Variants in MMP16 observed in about 807,000 individuals in gnomAD.
MMP16 encodes matrix metallopeptidase 16.
Under a neutral mutation model 67.8 loss-of-function variants are expected in MMP16, and 12 were observed. The ratio of observed to expected loss-of-function variants is 0.18; its 90% CI spans 0.11 to 0.29. MMP16 has a LOEUF of 0.29. Among genes scored for constraint, MMP16 ranks in the 10% least tolerant of loss-of-function variants. The pLI is 1.00. For missense variants in MMP16, 475 were observed against 765.7 expected, an observed-to-expected ratio of 0.62 and a Z score of 4.48; for synonymous variants, 249 against 255.9, an observed-to-expected ratio of 0.97 and a Z score of 0.26.
intron 6 of MMP16, among the ~76,000 whole-genome samples, chr8:88,109,699 A>T (rs1036825765): frequency 2.0e-5 from 3 of 151,270 alleles, no homozygotes; most frequent in African/African-American, 7.3e-5. Context: ...AACTTTGCTT[A>T]TTTATCTTGA....
intron 4 of MMP16, among the ~76,000 whole-genome samples, chr8:88,153,162 T>C (rs1410675010): frequency 2.0e-5 from 3 of 148,022 alleles, no homozygotes; most frequent in Non-Finnish European, 4.5e-5. Flanking sequence ...TTACAAGGGA[T>C]GTGAAGGACC....
intron 4 of MMP16, among the ~76,000 whole-genome samples, chr8:88,130,759 C>CGT (rs112295025): frequency 0.021 from 3,105 of 146,720 alleles, 41 homozygotes; most frequent in Middle Eastern, 0.048. Flanking sequence ...TTGTGAAATA[C>CGT]GTGTGTGTGT....
At chr8:88,195,884 T>C (rs4406449) in intron 2 of MMP16, among the ~76,000 whole-genome samples, 20,587 of 152,220 alleles carry the variant, frequency 0.14, 1,667 homozygotes, top group Non-Finnish European at 0.17. Flanking sequence ...TTATTATTTA[T>C]AAAGGTTTTC....
intron 4 of MMP16, among the ~76,000 whole-genome samples, chr8:88,126,903 G>A (rs10504849): frequency 6.6e-6 from 1 of 151,416 alleles, no homozygotes; most frequent in Non-Finnish European, 1.5e-5. Context: ...ATAGTTTACT[G>A]CAAAGAGTGG....
At chr8:88,170,681 G>A (rs914537400) in intron 3 of MMP16, among the ~76,000 whole-genome samples, 1 of 152,106 alleles carries the variant, frequency 6.6e-6, no homozygotes, top group Admixed American at 6.6e-5. Context: ...ATGGTGAGGG[G>A]GTGAGGAGAT....
intron 1 of MMP16, among the ~76,000 whole-genome samples, chr8:88,303,100 G>A (rs1463552357): frequency 2.0e-5 from 3 of 152,192 alleles, no homozygotes; most frequent in Non-Finnish European, 4.4e-5. Flanking sequence ...CAGCTGCTCA[G>A]GCACACACAG....
chr8:88,221,791 A>C (rs1229705615), intron 1 of MMP16, among the ~76,000 whole-genome samples: 2 of 152,086 alleles, frequency 1.3e-5, no homozygotes, highest in African/African-American at 4.8e-5. Context: ...TCCAGAAAGA[A>C]AGTGAAGAAA....
chr8:88,088,812 G>A (rs1487137061), intron 6 of MMP16, among the ~76,000 whole-genome samples: 1 of 152,030 alleles, frequency 6.6e-6, no homozygotes, highest in African/African-American at 2.4e-5. Context: ...AGTCTTGAGG[G>A]AAGTCAGATG....
intron 6 of MMP16, among the ~76,000 whole-genome samples, chr8:88,083,497 G>T (rs1808786617): frequency 6.6e-6 from 1 of 152,052 alleles, no homozygotes; most frequent in Admixed American, 6.6e-5. Flanking sequence ...GGATTAAAGT[G>T]GGAATCAAAA....
chr8:88,219,613 C>T (rs1809646371), intron 1 of MMP16, among the ~76,000 whole-genome samples: 1 of 152,072 alleles, frequency 6.6e-6, no homozygotes, highest in African/African-American at 2.4e-5. Flanking sequence ...AGCTATGAGA[C>T]CAACAGCCAT....
chr8:88,174,757 CTT>C (rs61133999), intron 3 of MMP16, among the ~76,000 whole-genome samples: 18 of 139,676 alleles, frequency 1.3e-4, no homozygotes, highest in Non-Finnish European at 1.4e-4. Context: ...ATTTTGACTG[CTT>C]TTTTTTTTTT....
At chr8:88,137,827 A>G (rs553336946) in intron 4 of MMP16, among the ~76,000 whole-genome samples, 8 of 151,464 alleles carry the variant, frequency 5.3e-5, no homozygotes, top group Non-Finnish European at 1.0e-4. Flanking sequence ...GATATTTTCT[A>G]TTTTCTTGAT....
In MMP16 at chr8:88,097,625, C is replaced by CAAAAA. The variant is rs34488162; in HGVS notation, c.1083+18877_1083+18881dup. Among the ~76,000 whole-genome samples the CAAAAA allele has an allele frequency of 1.5e-3, 101 of 67,260 alleles. 1 individual carries two copies. The highest frequency in any genetic ancestry group is 4.8e-3 in the African/African-American group (80 of 16,576). 44.1% of individuals were successfully genotyped at this position (67,260 alleles called of 152,430 possible). ...TGAGAGCCAGAGCAAAACCCTGTCT[C>CAAAAA]AAAAAAAAAAAAAAAAAAAAAAGAA... On this transcript the variant is annotated intron_variant, in intron 6 of 9. Coordinates refer to ENST00000286614, the MANE Select transcript of MMP16 (RefSeq NM_005941.5).
At chr8:88,073,627 T>G (rs1808598778) in intron 7 of MMP16, among the ~76,000 whole-genome samples, 1 of 152,170 alleles carries the variant, frequency 6.6e-6, no homozygotes, top group Non-Finnish European at 1.5e-5. Context: ...TTTCATTTGA[T>G]ATAGGTAGTT....
At chr8:88,280,546 CACAG>C (rs758535388) in intron 1 of MMP16, among the ~76,000 whole-genome samples, 1 of 152,184 alleles carries the variant, frequency 6.6e-6, no homozygotes, top group Non-Finnish European at 1.5e-5. Flanking sequence ...TAATTATATA[CACAG>C]ACAGATGACA....
At chr8:88,092,920 T>C (rs1808962619) in intron 6 of MMP16, among the ~76,000 whole-genome samples, 1 of 151,828 alleles carries the variant, frequency 6.6e-6, no homozygotes, top group African/African-American at 2.4e-5. Flanking sequence ...ACTCAATTGG[T>C]AGTGAGTATC....
chr8:88,137,042 T>C (rs76221370), intron 4 of MMP16, among the ~76,000 whole-genome samples: 2,376 of 152,036 alleles, frequency 0.016, 53 homozygotes, highest in African/African-American at 0.053. Flanking sequence ...TCATGAACAA[T>C]TGAATAATTG....
chr8:88,115,990 T>C (rs1809421339), intron 6 of MMP16, among the ~76,000 whole-genome samples: 1 of 152,140 alleles, frequency 6.6e-6, no homozygotes, highest in Non-Finnish European at 1.5e-5. Context: ...ATAACATTCA[T>C]ATGTAAAGTC....
chr8:88,212,224 G>T lies in MMP16; in HGVS notation c.133-14918C>A, dbSNP rs28904629. On this transcript the variant is annotated intron_variant, in intron 1 of 9. Coordinates refer to ENST00000286614, the MANE Select transcript of MMP16 (RefSeq NM_005941.5). Reference sequence around the variant, plus strand: ...TGGTGGGTATGGACACAGGCTTTAAGTATGGAGGACACAGATTCAGGGCCT... The same window carrying T: ...TGGTGGGTATGGACACAGGCTTTAATTATGGAGGACACAGATTCAGGGCCT... 6.3e-3 allele frequency among the ~76,000 whole-genome samples: 960 copies of T among 152,274 alleles called. 8 individuals are homozygous for T. The highest frequency in any genetic ancestry group is 0.022 in the African/African-American group (909 of 41,564).
Sources: allele counts gnomAD v4.1 joint callset (sites outside exome capture counted in the v4.1 genomes callset), GRCh38; gene constraint gnomAD v4.1.1; transcripts MANE v1.5; gene names NCBI Gene and HGNC (gene_info 2026-07-23, HGNC 2026-07-21).